Variants in CDH12 observed in about 807,000 individuals in gnomAD.
The protein encoded by CDH12 is cadherin 12.
A neutral mutation model predicts 74.1 loss-of-function variants in CDH12; 41 were observed. That is an observed-to-expected ratio of 0.55 (90% CI 0.43 to 0.72). The LOEUF (loss-of-function observed/expected upper bound fraction) is 0.72, where lower values mean the gene tolerates loss of function less well. Ranked by LOEUF, CDH12 falls within the 30% of genes least tolerant of loss-of-function variation. CDH12 has a pLI of 0.00. For missense variants in CDH12, 945 were observed against 977.2 expected (o/e 0.97, Z 0.44); for synonymous variants, 399 against 355.0 (o/e 1.12, Z -1.39).
intron 4 of CDH12, among the ~76,000 whole-genome samples, chr5:22,211,656 A>G (rs1460729929): frequency 6.6e-6 from 1 of 151,942 alleles, no homozygotes; most frequent in Non-Finnish European, 1.5e-5. Context: ...AAAAAGAATT[A>G]ATATGGAATG....
intron 5 of CDH12, among the ~76,000 whole-genome samples, chr5:21,991,124 G>C (rs999679343): frequency 6.6e-6 from 1 of 151,462 alleles, no homozygotes; most frequent in African/African-American, 2.4e-5. Context: ...AAATACTTTC[G>C]ACTGCCCATT....
At chr5:21,752,287 T>A (rs1744139524) in intron 14 of CDH12, 51 bp from the exon 15 acceptor site, 1 of 1,502,936 alleles carries the variant, frequency 6.7e-7, no homozygotes, top group Non-Finnish European at 8.9e-7. Context: ...GATAGGTCAT[T>A]TCATCTCTCC....
chr5:22,047,823 G>A (rs185127502), intron 5 of CDH12, among the ~76,000 whole-genome samples: 1 of 152,246 alleles, frequency 6.6e-6, no homozygotes, highest in Non-Finnish European at 1.5e-5. Flanking sequence ...ACTACTCAGT[G>A]TCCTACTTCT....
At chr5:22,577,885 G>T (rs1220489389) in intron 1 of CDH12, among the ~76,000 whole-genome samples, 1 of 152,088 alleles carries the variant, frequency 6.6e-6, no homozygotes, top group Non-Finnish European at 1.5e-5. Flanking sequence ...CTATCTAAAA[G>T]GAACAACTAA....
At chr5:22,362,787 T>G (rs1336027608) in intron 3 of CDH12, among the ~76,000 whole-genome samples, 1 of 151,676 alleles carries the variant, frequency 6.6e-6, no homozygotes, top group Non-Finnish European at 1.5e-5. Flanking sequence ...TGTAGGAACA[T>G]GGATGAAACT....
At chr5:21,800,171 G>C (rs1407755579) in intron 10 of CDH12, among the ~76,000 whole-genome samples, 3 of 151,594 alleles carry the variant, frequency 2.0e-5, no homozygotes, top group Non-Finnish European at 4.4e-5. Flanking sequence ...CACAGCTGGA[G>C]AGGAATTTGG....
chr5:22,433,515 G>A (rs564937128), intron 2 of CDH12, among the ~76,000 whole-genome samples: 1 of 151,902 alleles, frequency 6.6e-6, no homozygotes, highest in South Asian at 2.1e-4. Context: ...ATACATAAAT[G>A]AGTAATTATA....
intron 1 of CDH12, among the ~76,000 whole-genome samples, chr5:22,787,775 G>A (rs1747710314): frequency 6.6e-6 from 1 of 152,152 alleles, no homozygotes; most frequent in African/African-American, 2.4e-5. Flanking sequence ...ACATACGGCT[G>A]TTAGCAGGTC....
chr5:22,548,051 C>G (rs2126729025), intron 1 of CDH12, among the ~76,000 whole-genome samples: 2 of 152,236 alleles, frequency 1.3e-5, no homozygotes, highest in Admixed American at 1.3e-4. Flanking sequence ...TCCTTTATGT[C>G]TGTTTAATAA....
chr5:22,740,191 A>G (rs187445989), intron 1 of CDH12, among the ~76,000 whole-genome samples: 7 of 152,188 alleles, frequency 4.6e-5, no homozygotes, highest in Admixed American at 3.9e-4. Context: ...TGGAAATTGA[A>G]CACTGTATTT....
intron 4 of CDH12, among the ~76,000 whole-genome samples, chr5:22,092,544 C>A (rs1743496964): frequency 6.6e-6 from 1 of 152,056 alleles, no homozygotes; most frequent in Non-Finnish European, 1.5e-5. Flanking sequence ...TAGGAAAATG[C>A]AAATCGAAAA....
At chr5:22,304,097 C>T (rs1170252029) in intron 3 of CDH12, among the ~76,000 whole-genome samples, 2 of 152,008 alleles carry the variant, frequency 1.3e-5, no homozygotes, top group Non-Finnish European at 2.9e-5. Context: ...TCACATATTA[C>T]TCAGCATGTT....
At chr5:22,176,777 G>A (rs1038270618) in intron 4 of CDH12, among the ~76,000 whole-genome samples, 8 of 152,054 alleles carry the variant, frequency 5.3e-5, no homozygotes, top group Non-Finnish European at 8.8e-5. Context: ...CTTCTGCTAG[G>A]AGCATATCCA....
chr5:22,138,137 C>A (rs1746565002), intron 4 of CDH12, among the ~76,000 whole-genome samples: 1 of 151,930 alleles, frequency 6.6e-6, no homozygotes, highest in Admixed American at 6.6e-5. Context: ...TATTTAAATT[C>A]AAGTTAATCT....
chr5:21,802,301 G>T lies in CDH12; in HGVS notation c.1122C>A (p.Ser374Arg). 6.2e-7 allele frequency: 1 copy of T among 1,613,854 alleles called. No homozygotes were observed. The highest frequency in any genetic ancestry group is 8.5e-7 in the Non-Finnish European group (1 of 1,179,954). The change falls in exon 10 of 15, where the codon AGC becomes AGA. Residue 374 changes from serine to arginine, a missense_variant. Physicochemically the swap from Ser to Arg is moderately radical, Grantham distance 110 (BLOSUM62 -1). This residue lies in a region of CDH12 where 791 missense variants were observed against 792.8 expected (regional missense o/e 1.00). Coordinates refer to ENST00000382254, the MANE Select transcript of CDH12 (RefSeq NM_004061.5). ...PFKDTATVKISVLDVDEPPVF... is the reference protein window; with the variant it reads ...PFKDTATVKIRVLDVDEPPVF... The stretch of plus-strand genomic sequence containing the variant: ...CCGGTGGCTCATCTACGTCCAGCAC[G>T]CTGATCTTCACCGTAGCTGTGTCTT...
At chr5:22,183,860 C>G (rs1749785275) in intron 4 of CDH12, among the ~76,000 whole-genome samples, 1 of 152,132 alleles carries the variant, frequency 6.6e-6, no homozygotes, top group Non-Finnish European at 1.5e-5. Flanking sequence ...AGCAGTGATA[C>G]AGTCAGAAAT....
chr5:21,798,731 C>A (rs912899801), intron 10 of CDH12, among the ~76,000 whole-genome samples: 3 of 152,034 alleles, frequency 2.0e-5, no homozygotes, highest in Non-Finnish European at 4.4e-5. Context: ...GAATAGAAAC[C>A]AGGCCTTTAT....
In CDH12 at chr5:22,027,425, C is replaced by T. The variant is rs182005077; in HGVS notation, c.231+51021G>A. Among the ~76,000 whole-genome samples, 1,172 of 152,256 alleles carry T rather than the reference C, an allele frequency of 7.7e-3. 17 individuals carry two copies. The highest frequency in any genetic ancestry group is 0.027 in the African/African-American group (1,127 of 41,540). On this transcript the variant is annotated intron_variant, in intron 5 of 14. Coordinates refer to ENST00000382254, the MANE Select transcript of CDH12 (RefSeq NM_004061.5). ...TCCTTGTACCTCTGGTAGAATTCGG[C>T]TGTAAATCCATCTGGTCCTGGACTC...
chr5:22,159,069 C>T (rs1748182418), intron 4 of CDH12, among the ~76,000 whole-genome samples: 1 of 151,982 alleles, frequency 6.6e-6, no homozygotes, highest in Non-Finnish European at 1.5e-5. Context: ...ATAGTTTTAG[C>T]AGAGTAGACT....
Sources: gnomAD v4.1 joint callset for allele counts (sites outside exome capture counted in the v4.1 genomes callset) on GRCh38, gnomAD v4.1.1 for gene constraint, gnomAD v4.1.1 regional missense constraint, MANE v1.5 for transcripts, NCBI Gene and HGNC (gene_info 2026-07-23, HGNC 2026-07-21) for gene names.